GRID1: variants seen among roughly 807,000 people sequenced by gnomAD.
GRID1 encodes glutamate receptor ionotropic, delta-1.
GRID1 carries 28 observed loss-of-function variants against 98.0 expected under a neutral mutation model. The ratio of observed to expected loss-of-function variants is 0.29; its 90% CI spans 0.21 to 0.39. GRID1 has a LOEUF of 0.39. Ranked by LOEUF, GRID1 falls within the 10% of genes least tolerant of loss-of-function variation. The probability of loss-of-function intolerance (pLI) is 1.00; values close to 1 mark genes in which losing one functional copy is unlikely to be tolerated. For missense variants in GRID1, 1,111 were observed against 1,340.5 expected, an observed-to-expected ratio of 0.83 and a Z score of 2.67; for synonymous variants, 553 against 538.5, an observed-to-expected ratio of 1.03 and a Z score of -0.37.
intron 4 of GRID1, among the ~76,000 whole-genome samples, chr10:85,946,023 G>A (rs1298729821): frequency 5.3e-5 from 8 of 152,194 alleles, no homozygotes; most frequent in Admixed American, 2.0e-4. Context: ...TTTTAGAAGA[G>A]TATCTGCCAG....
At chr10:85,894,209 G>A (rs1841247643) in intron 5 of GRID1, among the ~76,000 whole-genome samples, 1 of 152,092 alleles carries the variant, frequency 6.6e-6, no homozygotes. Flanking sequence ...AAGATCCAAA[G>A]TAGAAAGGAT....
chr10:86,161,006 T>C (rs1258701103), intron 3 of GRID1, among the ~76,000 whole-genome samples: 1 of 152,184 alleles, frequency 6.6e-6, no homozygotes, highest in Non-Finnish European at 1.5e-5. Context: ...TACTCAAGAA[T>C]GAGGGTGTTC....
At chr10:85,679,438 CTT>C (rs2132594384) in intron 12 of GRID1, among the ~76,000 whole-genome samples, 1 of 152,352 alleles carries the variant, frequency 6.6e-6, no homozygotes, top group Admixed American at 6.5e-5. Context: ...GCAGCCCTGA[CTT>C]TTCCCCGACC....
chr10:85,819,796 C>T (rs1842746175), intron 8 of GRID1, among the ~76,000 whole-genome samples: 1 of 151,976 alleles, frequency 6.6e-6, no homozygotes, highest in Non-Finnish European at 1.5e-5. Flanking sequence ...CACCTGTAAT[C>T]CCAGCTACTC....
chr10:85,931,265 G>A (rs1415705755), intron 4 of GRID1, among the ~76,000 whole-genome samples: 2 of 151,446 alleles, frequency 1.3e-5, no homozygotes, highest in Non-Finnish European at 2.9e-5. Flanking sequence ...TCTACCCAGT[G>A]CCTTGGTGTG....
chr10:85,659,630 G>A lies in GRID1; in HGVS notation c.1998-12233C>T, dbSNP rs1397490851. ...GCTGTAATTAAATGTGAAGCTATAA[G>A]ATGCTAGCCGTTCTGAATCAGTTTG... On this transcript the variant is annotated intron_variant, in intron 12 of 15. Coordinates refer to ENST00000327946, the MANE Select transcript of GRID1 (RefSeq NM_017551.3). Among the ~76,000 whole-genome samples the A allele has an allele frequency of 3.3e-5, 5 of 152,344 alleles. No individual in the cohort carries two copies. The East Asian group carries it at 7.7e-4, about 24-fold the overall frequency.
chr10:85,944,930 G>A (rs1305758659), intron 4 of GRID1, among the ~76,000 whole-genome samples: 2 of 152,006 alleles, frequency 1.3e-5, no homozygotes, highest in Non-Finnish European at 2.9e-5. Context: ...TTATAATACT[G>A]ACATGTTTTC....
chr10:85,841,979 A>G (rs1055657731), intron 8 of GRID1, among the ~76,000 whole-genome samples: 1 of 152,144 alleles, frequency 6.6e-6, no homozygotes, highest in East Asian at 1.9e-4. Context: ...TACTGGGTAT[A>G]TACCCCAAGA....
At chr10:85,734,026 A>G (rs933588740) in intron 8 of GRID1, among the ~76,000 whole-genome samples, 3 of 152,298 alleles carry the variant, frequency 2.0e-5, no homozygotes, top group Middle Eastern at 3.4e-3. Flanking sequence ...CACTTGTACG[A>G]CTCAAAACTG....
At chr10:85,706,582 GACTTTCTTCACAGAATTGGAAAAAACT>G (rs1202856275) in intron 12 of GRID1, among the ~76,000 whole-genome samples, 4 of 152,156 alleles carry the variant, frequency 2.6e-5, no homozygotes, top group Non-Finnish European at 2.9e-5. Flanking sequence ...AGCTACCAAT[GACTTTCTTCACAGAATTGGAAAAAACT>G]ACTTTAAAGT....
intron 4 of GRID1, among the ~76,000 whole-genome samples, chr10:86,081,115 T>C (rs1224241496): frequency 6.6e-6 from 1 of 152,100 alleles, no homozygotes; most frequent in African/African-American, 2.4e-5. Context: ...AAACAGCAAG[T>C]AAAGGTAACT....
intron 2 of GRID1, among the ~76,000 whole-genome samples, chr10:86,290,855 G>A (rs1028617405): frequency 6.6e-5 from 10 of 152,090 alleles, no homozygotes; most frequent in Admixed American, 3.3e-4. Flanking sequence ...AATGAACCTA[G>A]GCTTTGTTTA....
chr10:85,820,412 A>G (rs1182258717), intron 8 of GRID1, among the ~76,000 whole-genome samples: 7 of 152,198 alleles, frequency 4.6e-5, no homozygotes, highest in African/African-American at 1.7e-4. Context: ...TCCATAGTTT[A>G]CTTCATATGT....
At chr10:85,967,127 G>C (rs1842347173) in intron 4 of GRID1, among the ~76,000 whole-genome samples, 1 of 152,156 alleles carries the variant, frequency 6.6e-6, no homozygotes, top group African/African-American at 2.4e-5. Context: ...CTTCCCCTTT[G>C]CTTTCTGCCA....
intron 2 of GRID1, among the ~76,000 whole-genome samples, chr10:86,357,930 G>A (rs1589461753): frequency 6.6e-6 from 1 of 152,204 alleles, no homozygotes; most frequent in African/African-American, 2.4e-5. Context: ...TTGGGGTGTA[G>A]GTAGGCATGG....
Position 86,366,542 on chromosome 10 carries a change from C to G in GRID1, c.-150G>C. The G allele has an allele frequency of 3.1e-6, 1 of 322,824 alleles. No homozygotes were observed. Among genetic ancestry groups the G allele is most frequent in the Middle Eastern group, 9.7e-4 (1 of 1,030 alleles). 20.0% of individuals were successfully genotyped at this position (322,824 alleles called of 1,614,324 possible). A position where few individuals can be genotyped will look rare whatever the true frequency, so the allele number is the denominator to read the frequency against. Reference sequence around the variant, plus strand: ...GTCTTCCCCCGCGCGCCCGCCCCTGCGCCCTGCGCCCGCCCCAGCCCAGCC... The same window carrying G: ...GTCTTCCCCCGCGCGCCCGCCCCTGGGCCCTGCGCCCGCCCCAGCCCAGCC... On this transcript the variant is annotated 5_prime_UTR_variant, in exon 1 of 16. Coordinates refer to ENST00000327946, the MANE Select transcript of GRID1 (RefSeq NM_017551.3). The surrounding 1 kb of genome is among the most constrained non-coding windows in gnomAD (Gnocchi z 4.1).
At chr10:86,023,912 T>G (rs1178018749) in intron 4 of GRID1, among the ~76,000 whole-genome samples, 1 of 152,090 alleles carries the variant, frequency 6.6e-6, no homozygotes, top group Admixed American at 6.5e-5. Context: ...AATAAACAGA[T>G]AAGTATACAA....
intron 8 of GRID1, among the ~76,000 whole-genome samples, chr10:85,754,327 C>A (rs566395938): frequency 3.5e-4 from 54 of 152,242 alleles, no homozygotes; most frequent in African/African-American, 1.2e-3. Context: ...AACTGACAGG[C>A]ACAGGTCACA....
chr10:86,314,923 A>C (rs932260941), intron 2 of GRID1, among the ~76,000 whole-genome samples: 2 of 152,112 alleles, frequency 1.3e-5, no homozygotes, highest in African/African-American at 4.8e-5. Flanking sequence ...AGTCCATCCC[A>C]TGGGAACCCT....
Sources: gnomAD v4.1 joint callset for allele counts (sites outside exome capture counted in the v4.1 genomes callset) on GRCh38, gnomAD v4.1.1 for gene constraint, Gnocchi (gnomAD v3.1) non-coding constraint, MANE v1.5 for transcripts, NCBI Gene and HGNC (gene_info 2026-07-23, HGNC 2026-07-21) for gene names.